The following GCH1 variants were observed in gnomAD, a reference collection of about 807,000 sequenced individuals.
GCH1 encodes GTP cyclohydrolase 1.
GCH1 carries 5 observed loss-of-function variants against 25.9 expected under a neutral mutation model. The ratio of observed to expected loss-of-function variants is 0.19; its 90% CI spans 0.10 to 0.41. The LOEUF (loss-of-function observed/expected upper bound fraction) is 0.41. Ranked by LOEUF, GCH1 falls within the 10% of genes least tolerant of loss-of-function variation. The pLI, the probability that GCH1 is intolerant of heterozygous loss-of-function variation, is 1.00. For synonymous variants in GCH1, 159 were observed against 129.6 expected (o/e 1.23, Z -1.54); for missense variants, 261 against 336.5 (o/e 0.78, Z 1.75).
chr14:54,886,061 T>C (rs1050752780), intron 1 of GCH1: 23 of 205,170 alleles, frequency 1.1e-4, no homozygotes, highest in African/African-American at 5.4e-4. Context: ...CCAGTGGCAG[T>C]GTACTCCAGG....
chr14:54,888,679 A>ATTTTT (rs58982226), intron 1 of GCH1, among the ~76,000 whole-genome samples: 1 of 138,430 alleles, frequency 7.2e-6, no homozygotes, highest in Non-Finnish European at 1.6e-5. Flanking sequence ...CGCCCGGCTA[A>ATTTTT]TTTTTTTTTT....
At chr14:54,851,000 T>C (rs1395266676) in intron 3 of GCH1, among the ~76,000 whole-genome samples, 1 of 152,168 alleles carries the variant, frequency 6.6e-6, no homozygotes, top group Non-Finnish European at 1.5e-5. Flanking sequence ...AAGGCTACAG[T>C]AACCAAAACA....
intron 1 of GCH1, among the ~76,000 whole-genome samples, chr14:54,890,912 G>T (rs969825655): frequency 6.6e-6 from 1 of 152,092 alleles, no homozygotes; most frequent in Non-Finnish European, 1.5e-5. Context: ...GCTTCCCTCT[G>T]ACTACACAGA....
intron 3 of GCH1, among the ~76,000 whole-genome samples, chr14:54,849,219 C>T (rs2039689257): frequency 6.6e-6 from 1 of 152,204 alleles, no homozygotes; most frequent in African/African-American, 2.4e-5. Context: ...GGTGAACATG[C>T]TCTCTGTGCT....
intron 2 of GCH1, among the ~76,000 whole-genome samples, chr14:54,861,999 A>T (rs1431760635): frequency 1.3e-5 from 2 of 152,034 alleles, no homozygotes; most frequent in East Asian, 1.9e-4. Context: ...ATGGCTTCTG[A>T]TGTGATGTAT....
At chr14:54,871,752 G>T (rs2040082611) in intron 1 of GCH1, among the ~76,000 whole-genome samples, 1 of 152,144 alleles carries the variant, frequency 6.6e-6, no homozygotes, top group African/African-American at 2.4e-5. Flanking sequence ...TATCAGTGAT[G>T]GAAGATCAAA....
At chr14:54,860,946 C>A (rs1296159029) in intron 2 of GCH1, among the ~76,000 whole-genome samples, 1 of 152,198 alleles carries the variant, frequency 6.6e-6, no homozygotes, top group African/African-American at 2.4e-5. Context: ...CAGGCCATTT[C>A]TGTTATCTTA....
At position 54,843,914 on chromosome 14, in the gene GCH1, A is replaced by C; in HGVS notation, c.*103T>G. ...TAATTAGTGACAAGGAATAAAGTTC[A>C]CATCTGTAACAATTGAAAATGGAAT... On this transcript the variant is annotated 3_prime_UTR_variant, in exon 6 of 6. Transcript: ENST00000491895. The C allele has an allele frequency of 6.2e-7, 1 of 1,610,882 alleles. No homozygotes were observed. Among genetic ancestry groups the C allele is most frequent in the African/African-American group, 1.3e-5 (1 of 74,986 alleles).
At chr14:54,876,666 A>C (rs1444105127) in intron 1 of GCH1, among the ~76,000 whole-genome samples, 1 of 152,078 alleles carries the variant, frequency 6.6e-6, no homozygotes, top group African/African-American at 2.4e-5. Flanking sequence ...CCTGTCTCTA[A>C]AAATCATAAT....
intron 1 of GCH1, among the ~76,000 whole-genome samples, chr14:54,874,030 A>G (rs1363392476): frequency 1.3e-5 from 2 of 152,190 alleles, no homozygotes; most frequent in Non-Finnish European, 2.9e-5. Flanking sequence ...AGTCTGGCAG[A>G]GACACAACAA....
chr14:54,878,843 A>T (rs557952999), intron 1 of GCH1, among the ~76,000 whole-genome samples: 5 of 152,262 alleles, frequency 3.3e-5, no homozygotes, highest in Admixed American at 6.5e-5. Context: ...CACTCATTGT[A>T]GCCTCCATCT....
chr14:54,866,392 T>C (rs900249595), intron 1 of GCH1, among the ~76,000 whole-genome samples: 3 of 152,082 alleles, frequency 2.0e-5, no homozygotes, highest in Admixed American at 6.6e-5. Flanking sequence ...TCTTCAGCTA[T>C]ATTGTCAAAT....
At chr14:54,876,349 C>T (rs10146658) in intron 1 of GCH1, among the ~76,000 whole-genome samples, 32,622 of 151,504 alleles carry the variant, frequency 0.22, 4,895 homozygotes, top group East Asian at 0.41. Flanking sequence ...TTGTGGGGTG[C>T]GGGGAGAGGG....
At position 54,871,152 on chromosome 14, in the gene GCH1, T is replaced by A. The variant is rs541711468; in HGVS notation, c.344-5716A>T. 1.8e-4 allele frequency among the ~76,000 whole-genome samples: 28 copies of A among 152,202 alleles called. 1 individual carries two copies. The South Asian group carries it at 5.6e-3, about 31-fold the overall frequency. On this transcript the variant is annotated intron_variant, in intron 1 of 5. Transcript: ENST00000491895. The stretch of plus-strand genomic sequence containing the variant: ...CCGGGTACTCCTCTGAGACAAAACT[T>A]CCAGAGGAACGATCAGGCAGCAACA...
intron 1 of GCH1, among the ~76,000 whole-genome samples, chr14:54,895,400 G>C (rs1466136340): frequency 6.6e-6 from 1 of 152,244 alleles, no homozygotes; most frequent in Non-Finnish European, 1.5e-5. Flanking sequence ...AACTGGAAAT[G>C]TGACAGAGTC....
At chr14:54,877,429 A>G (rs1353628561) in intron 1 of GCH1, among the ~76,000 whole-genome samples, 1 of 152,202 alleles carries the variant, frequency 6.6e-6, no homozygotes, top group Non-Finnish European at 1.5e-5. Context: ...ACATCCCTCA[A>G]GTATTTAGTC....
intron 1 of GCH1, among the ~76,000 whole-genome samples, chr14:54,884,281 G>A (rs1007573739): frequency 1.3e-5 from 2 of 152,088 alleles, no homozygotes; most frequent in East Asian, 1.9e-4. Context: ...ATTTTACCCA[G>A]GCCTAAAGGT....
chr14:54,891,253 C>T (rs1405876204), intron 1 of GCH1, among the ~76,000 whole-genome samples: 1 of 151,840 alleles, frequency 6.6e-6, no homozygotes, highest in African/African-American at 2.4e-5. Context: ...CAGGTGTGCA[C>T]CACCATGCCC....
intron 3 of GCH1, among the ~76,000 whole-genome samples, chr14:54,848,040 T>C (rs2039669932): frequency 1.3e-5 from 2 of 152,150 alleles, no homozygotes; most frequent in South Asian, 2.1e-4. Context: ...CTTCATAAGA[T>C]AGGTTTATGT....
Sources: allele counts gnomAD v4.1 joint callset (sites outside exome capture counted in the v4.1 genomes callset), GRCh38; gene constraint gnomAD v4.1.1; transcripts MANE v1.5; gene names NCBI Gene and HGNC (gene_info 2026-07-23, HGNC 2026-07-21).